Variants in SPTAN1 observed in about 807,000 individuals in gnomAD.
The protein encoded by SPTAN1 is spectrin alpha chain, non-erythrocytic 1.
A neutral mutation model predicts 331.3 loss-of-function variants in SPTAN1; 61 were observed. The observed-to-expected ratio is 0.18, with a 90% CI of 0.15 to 0.23. SPTAN1 has a LOEUF of 0.23. SPTAN1 is among the 10% of genes least tolerant of loss of function. The probability of loss-of-function intolerance (pLI) is 1.00; values close to 1 mark genes in which losing one functional copy is unlikely to be tolerated. For synonymous variants in SPTAN1, 1,153 were observed against 1,173.9 expected (o/e 0.98, Z 0.36); for missense variants, 2,043 against 3,147.9 (o/e 0.65, Z 8.40).
chr9:128,621,991 C>A (rs544645672), intron 45 of SPTAN1: 1 of 153,778 alleles, frequency 6.5e-6, no homozygotes, highest in East Asian at 1.9e-4. Flanking sequence ...GTCACACACA[C>A]ATCATGAGTA....
chr9:128,606,013 A>C (rs1429925623), intron 31 of SPTAN1, among the ~76,000 whole-genome samples: 1 of 152,030 alleles, frequency 6.6e-6, no homozygotes, highest in African/African-American at 2.4e-5. Flanking sequence ...AAAAATTAAA[A>C]ACAGAAAAAA....
At chr9:128,592,918 C>G in intron 22 of SPTAN1, 65 bp from the exon 23 acceptor site, 5 of 1,480,492 alleles carry the variant, frequency 3.4e-6, no homozygotes, top group Non-Finnish European at 4.6e-6. Flanking sequence ...GGAGCTGCTG[C>G]CTTTCATCCC....
chr9:128,572,947 T>A (rs1246864434), intron 3 of SPTAN1, among the ~76,000 whole-genome samples: 2 of 152,206 alleles, frequency 1.3e-5, no homozygotes, highest in African/African-American at 2.4e-5. Context: ...GAGCATGTAT[T>A]CCTCTGCTGC....
At chr9:128,594,784 A>T (rs1854011336) in intron 24 of SPTAN1, among the ~76,000 whole-genome samples, 1 of 132,362 alleles carries the variant, frequency 7.6e-6, no homozygotes, top group Admixed American at 7.7e-5. Context: ...TACATAGATT[A>T]TATTCCATCA....
chr9:128,556,061 A>T (rs1848604487), intron 1 of SPTAN1, among the ~76,000 whole-genome samples: 2 of 152,098 alleles, frequency 1.3e-5, no homozygotes, highest in Non-Finnish European at 2.9e-5. Flanking sequence ...CTCTACTAAA[A>T]ATACAAAAAA....
At chr9:128,583,716 T>A in intron 15 of SPTAN1, 72 bp from the exon 16 acceptor site, 1 of 1,508,818 alleles carries the variant, frequency 6.6e-7, no homozygotes, top group Non-Finnish European at 9.2e-7. Flanking sequence ...ACTAAGATAC[T>A]ACTGTTCATG....
rs190026506 is a variant in SPTAN1 at position 128,554,513 on chromosome 9, T to C, written c.-4+1817T>C. Among the ~76,000 whole-genome samples the C allele has an allele frequency of 3.9e-4, 59 of 152,354 alleles. No individual in the cohort carries two copies. The East Asian group carries it at 0.011, about 28-fold the overall frequency. On this transcript the variant is annotated intron_variant, in intron 1 of 56. Coordinates refer to ENST00000372739, the MANE Select transcript of SPTAN1 (RefSeq NM_001130438.3). ...CCTTCATCCAAAGTTGGGGGTCAAC[T>C]GCAGATCCTGAAAAGTGGATCTCAG...
intron 45 of SPTAN1, 60 bp from the exon 46 acceptor site, chr9:128,624,268 C>T: frequency 6.2e-7 from 1 of 1,606,402 alleles, no homozygotes; most frequent in South Asian, 1.1e-5. Flanking sequence ...CCAGGGAGGG[C>T]ATAGTCAGGT....
chr9:128,580,850 T>G, intron 10 of SPTAN1, 72 bp from the exon 11 acceptor site: 1 of 1,603,776 alleles, frequency 6.2e-7, no homozygotes, highest in Non-Finnish European at 8.5e-7. Flanking sequence ...AATTCCAGGA[T>G]AGCTGTTCTG....
Position 128,603,754 on chromosome 9 carries a change from C to T in SPTAN1, c.3627+164C>T, listed in dbSNP as rs115221736. Among the ~76,000 whole-genome samples, 516 of 152,322 alleles carry T rather than the reference C, an allele frequency of 3.4e-3. 2 individuals are homozygous for T. Among genetic ancestry groups the T allele is most frequent in the African/African-American group, 0.012 (491 of 41,566 alleles). On this transcript the variant is annotated intron_variant, in intron 28 of 56. Transcript: ENST00000372739. The stretch of plus-strand genomic sequence containing the variant: ...AAGTAAACATCAGCACATTCATGGC[C>T]GCTGGGTAGCTTGGTGGCTTTCCTG...
Position 128,625,934 on chromosome 9 carries a change from G to A in SPTAN1, c.6235G>A (p.Ala2079Thr), listed in dbSNP as rs377253398. The A allele has an allele frequency of 1.1e-4, 171 of 1,614,116 alleles. No individual in the cohort carries two copies. Among genetic ancestry groups the A allele is most frequent in the South Asian group, 1.5e-4 (14 of 91,078 alleles). Residue 2079 changes from alanine to threonine, a missense_variant, in exon 48 of 57, where the codon GCC (alanine) becomes ACC (threonine). Ala to Thr is a moderately conservative substitution (Grantham distance 58, BLOSUM62 0). Around this residue, in one of 12 missense-constraint regions of SPTAN1, gnomAD observed 256 missense variants for 376.4 expected, o/e 0.68. Transcript: ENST00000372739. The surrounding 1 kb of genome is among the most constrained non-coding windows in gnomAD (Gnocchi z 4.1). ...RWSQLLANSA[A>T]RKKKLLEAQS... ...GAGCCAGCTTCTGGCCAACTCAGCC[G>A]CCCGCAAGAAGAAGCTTCTGGAGGC...
At chr9:128,580,183 A>G (rs1488585857) in intron 10 of SPTAN1, among the ~76,000 whole-genome samples, 1 of 152,018 alleles carries the variant, frequency 6.6e-6, no homozygotes, top group Non-Finnish European at 1.5e-5. Flanking sequence ...ACATGGTGGC[A>G]CATTCCTATA....
intron 31 of SPTAN1, 129 bp downstream of exon 31, chr9:128,605,606 G>C (rs1855727982): frequency 1.6e-6 from 2 of 1,246,924 alleles, no homozygotes; most frequent in Admixed American, 2.0e-5. Flanking sequence ...CACTTTGGGG[G>C]GCCAAGGCAA....
chr9:128,626,035 C>G (rs1858685739), intron 48 of SPTAN1, 57 bp downstream of exon 48: 2 of 1,597,472 alleles, frequency 1.3e-6, no homozygotes, highest in Non-Finnish European at 1.7e-6. Flanking sequence ...AGGACGCCCA[C>G]CTTCTGTCTG....
At chr9:128,554,045 CTAA>C (rs1295181799) in intron 1 of SPTAN1, among the ~76,000 whole-genome samples, 3 of 151,768 alleles carry the variant, frequency 2.0e-5, no homozygotes, top group Non-Finnish European at 4.4e-5. Context: ...TTGCAGCTAA[CTAA>C]TGTCTTAGAT....
At chr9:128,582,979 T>C in intron 14 of SPTAN1, 98 bp from the exon 15 acceptor site, 2 of 1,575,168 alleles carry the variant, frequency 1.3e-6, no homozygotes, top group Non-Finnish European at 1.7e-6. Flanking sequence ...AGCCAACTGT[T>C]TTATACATTC....
intron 37 of SPTAN1, chr9:128,611,512 T>C (rs1348265933): frequency 6.5e-6 from 4 of 615,554 alleles, no homozygotes; most frequent in Admixed American, 5.1e-5. Flanking sequence ...AGCTAGTACA[T>C]TTCCTTCCTC....
At chr9:128,560,999 G>C (rs10988038) in intron 1 of SPTAN1, among the ~76,000 whole-genome samples, 20,023 of 122,230 alleles carry the variant, frequency 0.16, 1,992 homozygotes, top group East Asian at 0.45. Context: ...CTGGGCAACA[G>C]AGCAAGACCC....
intron 5 of SPTAN1, among the ~76,000 whole-genome samples, chr9:128,576,339 A>G (rs1445554926): frequency 6.6e-6 from 1 of 152,178 alleles, no homozygotes; most frequent in East Asian, 1.9e-4. Context: ...ACTTGAGACC[A>G]GCCTGGGTAA....
Sources: allele counts gnomAD v4.1 joint callset (sites outside exome capture counted in the v4.1 genomes callset), GRCh38; gene constraint gnomAD v4.1.1; regional missense constraint gnomAD v4.1.1; non-coding constraint Gnocchi (gnomAD v3.1); transcripts MANE v1.5; gene names NCBI Gene and HGNC (gene_info 2026-07-23, HGNC 2026-07-21).